ANKS1B: variants seen among roughly 807,000 people sequenced by gnomAD.
ANKS1B encodes the protein ankyrin repeat and sterile alpha motif domain-containing protein 1B.
In ANKS1B, 36 loss-of-function variants were observed where a neutral mutation model predicts 148.3. The observed-to-expected ratio is 0.24, with a 90% confidence interval of 0.19 to 0.32. The LOEUF is 0.32. ANKS1B is among the 10% of genes least tolerant of loss of function. ANKS1B has a pLI of 1.00. For synonymous variants in ANKS1B, 542 were observed against 560.8 expected, an observed-to-expected ratio of 0.97 and a Z score of 0.47; for missense variants, 1,157 against 1,542.6, an observed-to-expected ratio of 0.75 and a Z score of 4.19.
chr12:98,869,730 C>T (rs377013082), intron 17 of ANKS1B, among the ~76,000 whole-genome samples: 71 of 150,816 alleles, frequency 4.7e-4, no homozygotes, highest in South Asian at 1.5e-3. Flanking sequence ...TATATATAAA[C>T]GTTAACATTT....
intron 15 of ANKS1B, among the ~76,000 whole-genome samples, chr12:99,109,589 T>G (rs1466602138): frequency 6.6e-6 from 1 of 152,212 alleles, no homozygotes; most frequent in Non-Finnish European, 1.5e-5. Flanking sequence ...GTTGCCTACT[T>G]CGCAGGGTTC....
At chr12:99,357,938 A>G (rs569731210) in intron 12 of ANKS1B, among the ~76,000 whole-genome samples, 1 of 152,208 alleles carries the variant, frequency 6.6e-6, no homozygotes, top group East Asian at 1.9e-4. Flanking sequence ...ATTGCATTAT[A>G]CTGCTGCTTT....
chr12:98,922,976 G>T (rs1263581176), intron 17 of ANKS1B, among the ~76,000 whole-genome samples: 1 of 152,100 alleles, frequency 6.6e-6, no homozygotes, highest in South Asian at 2.1e-4. Flanking sequence ...GAGGTGCTGT[G>T]GTTTGGATGT....
intron 9 of ANKS1B, among the ~76,000 whole-genome samples, chr12:99,569,640 T>C (rs1202547640): frequency 6.6e-6 from 1 of 152,196 alleles, no homozygotes; most frequent in Non-Finnish European, 1.5e-5. Flanking sequence ...GAGCTGCTAA[T>C]GGAAAGCTCT....
intron 11 of ANKS1B, among the ~76,000 whole-genome samples, chr12:99,419,204 G>C (rs1160598861): frequency 6.6e-6 from 1 of 151,996 alleles, no homozygotes; most frequent in Non-Finnish European, 1.5e-5. Flanking sequence ...TTTAAATGTT[G>C]TTATAATTCT....
rs1015543366 is a variant in ANKS1B, at chr12:99,408,445, T to C, written c.1576-8634A>G. On this transcript the variant is annotated intron_variant, in intron 11 of 26. Coordinates refer to ENST00000683438, the MANE Select transcript of ANKS1B (RefSeq NM_001352186.2). Reference sequence around the variant, plus strand: ...TCCAGGACATTGGACTAGGCAAAAATTTCTTAAGGAACACTTCACAAGCAT... The same window carrying C: ...TCCAGGACATTGGACTAGGCAAAAACTTCTTAAGGAACACTTCACAAGCAT... Among the ~76,000 whole-genome samples the C allele has an allele frequency of 3.3e-4, 48 of 145,460 alleles. 7 individuals carry two copies. Among genetic ancestry groups the C allele is most frequent in the African/African-American group, 1.3e-3 (48 of 38,316 alleles).
chr12:99,669,607 G>C (rs1290978454), intron 8 of ANKS1B, among the ~76,000 whole-genome samples: 1 of 152,018 alleles, frequency 6.6e-6, no homozygotes, highest in Non-Finnish European at 1.5e-5. Context: ...GTGAGCTCCA[G>C]GGATTTTTCT....
chr12:99,894,758 A>G (rs2093320627), intron 1 of ANKS1B, among the ~76,000 whole-genome samples: 1 of 148,232 alleles, frequency 6.7e-6, no homozygotes, highest in Non-Finnish European at 1.5e-5. Flanking sequence ...ATATCCAACA[A>G]TTTATTATAA....
intron 8 of ANKS1B, among the ~76,000 whole-genome samples, chr12:99,730,648 C>A (rs1006550345): frequency 2.6e-5 from 4 of 152,138 alleles, no homozygotes; most frequent in Non-Finnish European, 5.9e-5. Flanking sequence ...AAGCTGATAT[C>A]CTTCCATAGG....
intron 16 of ANKS1B, among the ~76,000 whole-genome samples, chr12:99,058,876 T>C (rs1164216420): frequency 3.3e-5 from 5 of 151,006 alleles, no homozygotes; most frequent in Non-Finnish European, 5.9e-5. Flanking sequence ...TAGCTGGGAC[T>C]ACAGGCGCCC....
chr12:99,496,422 T>C (rs2096605144), intron 10 of ANKS1B, among the ~76,000 whole-genome samples: 1 of 152,204 alleles, frequency 6.6e-6, no homozygotes, highest in African/African-American at 2.4e-5. Flanking sequence ...ACCACTATAA[T>C]TAAACAAGGT....
chr12:99,780,344 C>T (rs7295894), intron 5 of ANKS1B, among the ~76,000 whole-genome samples: 11,766 of 152,046 alleles, frequency 0.077, 549 homozygotes, highest in South Asian at 0.15. Flanking sequence ...GGCGCGATCT[C>T]GGCTCACTGC....
chr12:99,315,501 AACC>A (rs1167098659), intron 12 of ANKS1B, among the ~76,000 whole-genome samples: 1 of 152,158 alleles, frequency 6.6e-6, no homozygotes, highest in Non-Finnish European at 1.5e-5. Flanking sequence ...TGCAAATCAA[AACC>A]ACAATGAGAT....
intron 12 of ANKS1B, among the ~76,000 whole-genome samples, chr12:99,325,559 T>C (rs570427649): frequency 6.0e-5 from 9 of 149,788 alleles, no homozygotes; most frequent in African/African-American, 2.3e-4. Flanking sequence ...GCGAATGCCA[T>C]AGACATCTAA....
chr12:99,830,938 T>C (rs1252046736), intron 1 of ANKS1B, among the ~76,000 whole-genome samples: 2 of 152,168 alleles, frequency 1.3e-5, no homozygotes, highest in African/African-American at 4.8e-5. Context: ...ATCTTTCTGC[T>C]CAAATGTCAT....
At chr12:99,825,516 G>T in intron 1 of ANKS1B, 127 bp from the exon 2 acceptor site, 1 of 629,110 alleles carries the variant, frequency 1.6e-6, no homozygotes. Flanking sequence ...TGTGGAAAAT[G>T]ATTGCCATCT....
intron 16 of ANKS1B, among the ~76,000 whole-genome samples, chr12:99,077,246 C>G (rs187622387): frequency 2.0e-5 from 3 of 152,102 alleles, no homozygotes; most frequent in Non-Finnish European, 2.9e-5. Context: ...TAACAGTGCA[C>G]GTATGTGGGT....
intron 17 of ANKS1B, among the ~76,000 whole-genome samples, chr12:99,005,163 G>A (rs1443670168): frequency 6.6e-6 from 1 of 152,200 alleles, no homozygotes; most frequent in African/African-American, 2.4e-5. Flanking sequence ...TCTCTCCAAA[G>A]TTTCCCACCA....
intron 9 of ANKS1B, among the ~76,000 whole-genome samples, chr12:99,512,804 G>A (rs2096779735): frequency 6.6e-6 from 1 of 152,038 alleles, no homozygotes; most frequent in African/African-American, 2.4e-5. Flanking sequence ...TGCAGGAACA[G>A]ACAACCAAAT....
Sources: allele counts gnomAD v4.1 joint callset (sites outside exome capture counted in the v4.1 genomes callset), GRCh38; gene constraint gnomAD v4.1.1; transcripts MANE v1.5; gene names NCBI Gene and HGNC (gene_info 2026-07-23, HGNC 2026-07-21).